The following ATXN1 variants were observed in gnomAD, a reference collection of about 807,000 sequenced individuals.
ATXN1 encodes the protein ataxin 1, also known as ataxin-1.
A neutral mutation model predicts 56.4 loss-of-function variants in ATXN1; 8 were observed. The ratio of observed to expected loss-of-function variants is 0.14; its 90% CI spans 0.08 to 0.26. ATXN1 has a LOEUF of 0.26. Among genes scored for constraint, ATXN1 ranks in the 10% least tolerant of loss-of-function variants. ATXN1 has a pLI of 1.00. For missense variants in ATXN1, 987 were observed against 1,106.5 expected (o/e 0.89, Z 1.53); for synonymous variants, 514 against 494.6 (o/e 1.04, Z -0.52).
At position 16,303,129 on chromosome 6, in the gene ATXN1, C is replaced by T. The variant is rs890216437; in HGVS notation, c.*3200G>A. ...GGCTCAGAGGCAGGGCTCCAAGTCT[C>T]AAGGACACAGACCCCGAGGAGGGGC... On this transcript the variant is annotated 3_prime_UTR_variant, in exon 8 of 8. Coordinates refer to ENST00000436367, the MANE Select transcript of ATXN1 (RefSeq NM_001128164.2). This position sits in a 1 kb window ranked among gnomAD's most constrained non-coding sequence, Gnocchi z 4.3. 1.3e-5 allele frequency: 2 copies of T among 152,982 alleles called. No homozygotes were observed. Among genetic ancestry groups the T allele is most frequent in the African/African-American group, 4.8e-5 (2 of 41,462 alleles). The allele number at this position is 152,982 out of a possible 1,614,324, so 9.5% of individuals were successfully genotyped here. A position where few individuals can be genotyped will look rare whatever the true frequency, so the allele number is the denominator to read the frequency against.
intron 2 of ATXN1, among the ~76,000 whole-genome samples, chr6:16,671,907 A>G (rs6459482): frequency 0.66 from 100,035 of 152,108 alleles, 33,226 homozygotes; most frequent in African/African-American, 0.74. Flanking sequence ...CATCAGTATT[A>G]TGCAATGATT....
intron 2 of ATXN1, among the ~76,000 whole-genome samples, chr6:16,672,964 A>C (rs954115494): frequency 6.8e-6 from 1 of 146,940 alleles, no homozygotes. Flanking sequence ...CACTGAGCCA[A>C]TATGTGCCAC....
intron 1 of ATXN1, among the ~76,000 whole-genome samples, chr6:16,755,847 A>G (rs1760872092): frequency 6.6e-6 from 1 of 152,178 alleles, no homozygotes; most frequent in African/African-American, 2.4e-5. Flanking sequence ...TTCAGGTAGG[A>G]TACAATTTTT....
intron 5 of ATXN1, among the ~76,000 whole-genome samples, chr6:16,522,081 T>C (rs1049687067): frequency 9.9e-5 from 15 of 152,192 alleles, no homozygotes; most frequent in African/African-American, 3.6e-4. Flanking sequence ...ATCATGCAGC[T>C]AGGAGCCAAA....
intron 2 of ATXN1, among the ~76,000 whole-genome samples, chr6:16,714,218 CACACACA>C (rs1759592619): frequency 2.3e-5 from 3 of 131,552 alleles, no homozygotes; most frequent in Admixed American, 7.6e-5. Context: ...CACACACACA[CACACACA>C]CCAAAACCTG....
rs547007586 is a variant in ATXN1 at position 16,578,893 on chromosome 6, A to C, written c.-361+6887T>G. Among the ~76,000 whole-genome samples, 30 of 152,358 alleles carry C rather than the reference A, an allele frequency of 2.0e-4. No individual in the cohort carries two copies. In the South Asian group the frequency reaches 6.2e-3, roughly 32 times the overall value. ...TCTGGGGCTGAAGTCCGCATTGTCT[A>C]AACAGGACAGTCAGACTTTGGGGCA... is the stretch of plus-strand genomic sequence containing the variant. On this transcript the variant is annotated intron_variant, in intron 4 of 7. Coordinates refer to ENST00000436367, the MANE Select transcript of ATXN1 (RefSeq NM_001128164.2).
intron 2 of ATXN1, among the ~76,000 whole-genome samples, chr6:16,691,613 C>T (rs1311306372): frequency 6.6e-6 from 1 of 152,078 alleles, no homozygotes; most frequent in Non-Finnish European, 1.5e-5. Context: ...GGCTGAAGTA[C>T]AATGTCAAGA....
intron 6 of ATXN1, among the ~76,000 whole-genome samples, chr6:16,446,586 CA>C (rs1251817308): frequency 6.6e-6 from 1 of 152,190 alleles, no homozygotes; most frequent in African/African-American, 2.4e-5. Context: ...AGGTCTTCTG[CA>C]CACTCCATTT....
chr6:16,480,653 A>T (rs925690428), intron 6 of ATXN1, among the ~76,000 whole-genome samples: 1 of 152,160 alleles, frequency 6.6e-6, no homozygotes, highest in African/African-American at 2.4e-5. Context: ...CTCTAAACTT[A>T]AAGAGGACAC....
chr6:16,736,329 TTC>T (rs990194613), intron 2 of ATXN1, among the ~76,000 whole-genome samples: 3 of 152,218 alleles, frequency 2.0e-5, no homozygotes, highest in Non-Finnish European at 2.9e-5. Flanking sequence ...TTGCTTTGTG[TTC>T]TTTCTTTAAC....
intron 6 of ATXN1, among the ~76,000 whole-genome samples, chr6:16,361,539 C>CT (rs1358955915): frequency 3.9e-5 from 6 of 152,052 alleles, no homozygotes; most frequent in African/African-American, 1.4e-4. Flanking sequence ...AGATTATATG[C>CT]TAAAAAAACG....
intron 4 of ATXN1, among the ~76,000 whole-genome samples, chr6:16,582,562 T>C (rs1762548724): frequency 6.6e-6 from 1 of 152,216 alleles, no homozygotes; most frequent in Admixed American, 6.5e-5. Flanking sequence ...ATTTCAACAA[T>C]GATTCTGCCT....
intron 6 of ATXN1, among the ~76,000 whole-genome samples, chr6:16,359,148 G>A (rs772457772): frequency 1.3e-5 from 2 of 152,218 alleles, no homozygotes; most frequent in South Asian, 2.1e-4. Flanking sequence ...GCCAAGCCCC[G>A]GGGCCATGAA....
rs538741438 is a variant in ATXN1 at position 16,369,588 on chromosome 6, C to T, written c.-160-41118G>A. ...TAGCATTTGCACGCAGCCACCCGTT[C>T]GCTCTTGGCTCCTGGTAAGCACTTA... is the stretch of plus-strand genomic sequence containing the variant. On this transcript the variant is annotated intron_variant, in intron 6 of 7. Transcript: ENST00000436367. Among the ~76,000 whole-genome samples, 294 of 152,316 alleles carry T rather than the reference C, an allele frequency of 1.9e-3. 2 individuals carry two copies. Among genetic ancestry groups the T allele is most frequent in the African/African-American group, 6.8e-3 (282 of 41,570 alleles).
At chr6:16,707,721 A>C (rs1759436040) in intron 2 of ATXN1, among the ~76,000 whole-genome samples, 3 of 152,208 alleles carry the variant, frequency 2.0e-5, no homozygotes, top group Admixed American at 2.0e-4. Flanking sequence ...CTGAGAGAGA[A>C]GAGGTCCAAT....
intron 5 of ATXN1, among the ~76,000 whole-genome samples, chr6:16,489,024 C>A (rs891126813): frequency 2.0e-5 from 3 of 152,130 alleles, no homozygotes; most frequent in Non-Finnish European, 4.4e-5. Context: ...ATTTCTCCTT[C>A]CCCTGACTGC....
intron 6 of ATXN1, among the ~76,000 whole-genome samples, chr6:16,446,902 A>G (rs7746649): frequency 0.29 from 43,989 of 152,114 alleles, 6,899 homozygotes; most frequent in Middle Eastern, 0.35. Flanking sequence ...TGCCTTTTGT[A>G]TGGAAGACAT....
At chr6:16,395,084 C>A (rs1318033140) in intron 6 of ATXN1, among the ~76,000 whole-genome samples, 1 of 151,678 alleles carries the variant, frequency 6.6e-6, no homozygotes, top group Non-Finnish European at 1.5e-5. Flanking sequence ...CCAGTCGGAC[C>A]AACATGGAGA....
intron 3 of ATXN1, among the ~76,000 whole-genome samples, chr6:16,619,826 T>G (rs1347542216): frequency 1.3e-5 from 2 of 151,350 alleles, no homozygotes; most frequent in African/African-American, 2.4e-5. Flanking sequence ...AAGGATCGCT[T>G]GAGCCCAGGA....
Sources: gnomAD v4.1 joint callset for allele counts (sites outside exome capture counted in the v4.1 genomes callset) on GRCh38, gnomAD v4.1.1 for gene constraint, Gnocchi (gnomAD v3.1) non-coding constraint, MANE v1.5 for transcripts, NCBI Gene and HGNC (gene_info 2026-07-23, HGNC 2026-07-21) for gene names.